The following SENP7 variants were observed in gnomAD, a reference collection of about 807,000 sequenced individuals.
SENP7 encodes sentrin-specific protease 7.
SENP7 carries 64 observed loss-of-function variants against 141.2 expected under a neutral mutation model. The ratio of observed to expected loss-of-function variants is 0.45; its 90% CI spans 0.37 to 0.56. SENP7 has a LOEUF of 0.56. Ranked by LOEUF, SENP7 falls within the 20% of genes least tolerant of loss-of-function variation. The pLI is 0.00. For synonymous variants in SENP7, 382 were observed against 426.4 expected (o/e 0.90, Z 1.28); for missense variants, 1,025 against 1,212.2 (o/e 0.85, Z 2.29).
At position 101,327,789 on chromosome 3, in the gene SENP7, T is replaced by C. The variant is rs1374052405; in HGVS notation, c.2892A>G (p.Lys964=). 1 of 1,609,878 alleles carries C rather than the reference T, an allele frequency of 6.2e-7. No homozygotes were observed. The highest frequency in any genetic ancestry group is 8.5e-7 in the Non-Finnish European group (1 of 1,177,368). Reference sequence around the variant, plus strand: ...TGCTGAATTGACGATGAGTTTTTAGTTTAACTTCCCACTCTACCTCTAAAT... The same window carrying C: ...TGCTGAATTGACGATGAGTTTTTAGCTTAACTTCCCACTCTACCTCTAAAT... ...REYLEVEWEV[K]LKTHRQFSKT... Residue 964 remains lysine (K), a synonymous_variant, in exon 23 of 24, where the codon AAA becomes AAG. Transcript: ENST00000394095.
intron 5 of SENP7, among the ~76,000 whole-genome samples, chr3:101,416,250 T>C (rs78463205): frequency 1.1e-5 from 1 of 95,050 alleles, no homozygotes; most frequent in African/African-American, 3.5e-5. Flanking sequence ...TGGGACTCTT[T>C]ACTTCATATT....
intron 4 of SENP7, among the ~76,000 whole-genome samples, chr3:101,420,276 G>A (rs2061749718): frequency 6.6e-6 from 1 of 152,160 alleles, no homozygotes; most frequent in African/African-American, 2.4e-5. Flanking sequence ...GCTGAGGCAA[G>A]AGAATGGCGT....
intron 11 of SENP7, 64 bp downstream of exon 11, chr3:101,361,651 G>T: frequency 7.0e-7 from 1 of 1,425,800 alleles, no homozygotes; most frequent in African/African-American, 1.5e-5. Flanking sequence ...GAAAAAAAAG[G>T]AAAAAAATTA....
At chr3:101,464,291 G>C (rs2063686819) in intron 3 of SENP7, among the ~76,000 whole-genome samples, 1 of 152,088 alleles carries the variant, frequency 6.6e-6, no homozygotes, top group Admixed American at 6.6e-5. Context: ...GCACTGAATG[G>C]CCTAAAGCAG....
chr3:101,428,787 T>C (rs924435127), intron 4 of SENP7, among the ~76,000 whole-genome samples: 3 of 152,206 alleles, frequency 2.0e-5, no homozygotes, highest in Non-Finnish European at 4.4e-5. Flanking sequence ...TCCTGAATGA[T>C]ATTGCCTAGG....
In SENP7 at chr3:101,343,622, A is replaced by G. The variant is rs2059383710; in HGVS notation, c.2106+64T>C. 4 of 1,495,872 alleles carry G rather than the reference A, an allele frequency of 2.7e-6. No homozygotes were observed. In the South Asian group the frequency reaches 5.5e-5, roughly 20 times the overall value. 92.7% of individuals were successfully genotyped at this position (1,495,872 alleles called of 1,614,324 possible). On this transcript the variant is annotated intron_variant, in intron 14 of 23. Coordinates refer to ENST00000394095, the MANE Select transcript of SENP7 (RefSeq NM_020654.5). ...ATGTAGCATTTGAAAGCAGCCTAAT[A>G]TCAATGAATAAATGTTTTCTGAACC...
chr3:101,403,508 G>T (rs961082567), intron 5 of SENP7, among the ~76,000 whole-genome samples: 2 of 152,256 alleles, frequency 1.3e-5, no homozygotes, highest in East Asian at 3.9e-4. Context: ...ATCTTTGGGG[G>T]TTTTTTGTCT....
In SENP7 at chr3:101,361,766, A is replaced by G; in HGVS notation, c.1572T>C (p.Phe524=). The change falls in exon 11 of 24, where the codon TTT becomes TTC. Residue 524 remains phenylalanine, a synonymous_variant. Transcript: ENST00000394095. Reference sequence around the variant, plus strand: ...TTATTTTACCAATATAAACAGAAGTAAATATAAAATCCAGTTGTAGATCCA... The same window carrying G: ...TTATTTTACCAATATAAACAGAAGTGAATATAAAATCCAGTTGTAGATCCA... The part of the protein sequence containing the change: ...NEMDLQLDFI[F]TSVYIGKIKG... 1 of 1,606,254 alleles carries G rather than the reference A, an allele frequency of 6.2e-7. No homozygotes were observed. The highest frequency in any genetic ancestry group is 8.5e-7 in the Non-Finnish European group (1 of 1,177,332).
intron 5 of SENP7, among the ~76,000 whole-genome samples, chr3:101,401,473 G>C (rs936442621): frequency 1.3e-5 from 2 of 150,462 alleles, no homozygotes; most frequent in African/African-American, 4.9e-5. Context: ...AAGTTGCAGT[G>C]AGCCAAGATA....
intron 11 of SENP7, chr3:101,358,299 C>T: frequency 9.5e-7 from 1 of 1,051,712 alleles, no homozygotes. Flanking sequence ...TGGTCCTCAG[C>T]CCTTAATAAA....
intron 17 of SENP7, among the ~76,000 whole-genome samples, chr3:101,334,679 A>C (rs1258252453): frequency 6.6e-6 from 1 of 152,230 alleles, no homozygotes; most frequent in Non-Finnish European, 1.5e-5. Flanking sequence ...TAATCAGTAT[A>C]AACAATTACT....
rs116737475 is a variant in SENP7 at position 101,463,541 on chromosome 3, C to G, written c.187-4489G>C. Among the ~76,000 whole-genome samples, 1,189 of 151,318 alleles carry G rather than the reference C, an allele frequency of 7.9e-3. 24 individuals carry two copies. The highest frequency in any genetic ancestry group is 0.026 in the African/African-American group (1,084 of 41,202). On this transcript the variant is annotated intron_variant, in intron 3 of 23. Coordinates refer to ENST00000394095, the MANE Select transcript of SENP7 (RefSeq NM_020654.5). ...AGTGCAACTAAGAATTCTAGACAGA[C>G]TTCATGGAGAAGCTATCTTAGGACC...
intron 23 of SENP7, 83 bp downstream of exon 23, chr3:101,327,583 A>G (rs2058937696): frequency 2.9e-6 from 3 of 1,023,494 alleles, no homozygotes; most frequent in Admixed American, 5.5e-5. Context: ...TATTAGCAGC[A>G]TGAGAACGGA....
chr3:101,414,484 G>A, intron 5 of SENP7: 2 of 1,522,076 alleles, frequency 1.3e-6, no homozygotes, highest in South Asian at 1.1e-5. Context: ...CAACAACAAA[G>A]CCAAAGATTC....
chr3:101,431,626 A>T (rs776279508), intron 4 of SENP7, among the ~76,000 whole-genome samples: 24 of 151,794 alleles, frequency 1.6e-4, no homozygotes, highest in Middle Eastern at 3.4e-3. Context: ...TCGACTAAAA[A>T]TACAAAAATT....
chr3:101,427,840 T>TC (rs1261916915), intron 4 of SENP7, among the ~76,000 whole-genome samples: 8 of 151,998 alleles, frequency 5.3e-5, no homozygotes, highest in Non-Finnish European at 7.4e-5. Context: ...ACGCTATCCC[T>TC]CCCCCAGCCC....
At chr3:101,370,224 G>A (rs756951198) in intron 7 of SENP7, among the ~76,000 whole-genome samples, 2 of 152,146 alleles carry the variant, frequency 1.3e-5, no homozygotes, top group Non-Finnish European at 2.9e-5. Context: ...TGATCTTGAG[G>A]TAACACTCCT....
chr3:101,421,416 G>A (rs1228451802), intron 4 of SENP7, among the ~76,000 whole-genome samples: 1 of 152,064 alleles, frequency 6.6e-6, no homozygotes, highest in East Asian at 1.9e-4. Context: ...TTATTTTAAG[G>A]ATAAAATGTA....
At chr3:101,458,925 C>G in intron 4 of SENP7, 30 bp downstream of exon 4, 1 of 1,306,980 alleles carries the variant, frequency 7.7e-7, no homozygotes, top group Non-Finnish European at 1.1e-6. Flanking sequence ...AGGTTAAGCC[C>G]ATACTATGTC....
Sources: allele counts gnomAD v4.1 joint callset (sites outside exome capture counted in the v4.1 genomes callset), GRCh38; gene constraint gnomAD v4.1.1; transcripts MANE v1.5; gene names NCBI Gene and HGNC (gene_info 2026-07-23, HGNC 2026-07-21).